Variants in PTCRA observed in about 807,000 individuals in gnomAD.
PTCRA encodes the protein pre T cell antigen receptor alpha.
Under a neutral mutation model 13.4 loss-of-function variants are expected in PTCRA, and 9 were observed. That is an observed-to-expected ratio of 0.67 (90% confidence interval 0.41 to 1.18). PTCRA has a LOEUF of 1.18. PTCRA is among the 50% of genes most tolerant of loss of function. The pLI, the probability that PTCRA is intolerant of heterozygous loss-of-function variation, is 0.01. For synonymous variants in PTCRA, 153 were observed against 161.9 expected, an observed-to-expected ratio of 0.94 and a Z score of 0.42; for missense variants, 353 against 359.8, an observed-to-expected ratio of 0.98 and a Z score of 0.15.
Position 42,925,566 on chromosome 6 carries a change from C to A in PTCRA, c.730C>A (p.Pro244Thr). The A allele has an allele frequency of 6.2e-7, 1 of 1,600,070 alleles. No individual in the cohort carries two copies. The highest frequency in any genetic ancestry group is 1.3e-5 in the African/African-American group (1 of 74,896). ...WGEGSYLSSYPTCPAQAWCSR... is the reference protein window; with the variant it reads ...WGEGSYLSSYTTCPAQAWCSR... The stretch of plus-strand genomic sequence containing the variant: ...GGAAGGGTCTTACCTCAGCAGTTAC[C>A]CCACTTGCCCAGCACAGGCCTGGTG... The change falls in exon 4 of 4, where the codon CCC becomes ACC. Residue 244 changes from proline (P) to threonine (T), a missense_variant. Transcript: ENST00000304672. This position sits in a 1 kb window ranked among gnomAD's most constrained non-coding sequence, Gnocchi z 4.4.
intron 1 of PTCRA, among the ~76,000 whole-genome samples, chr6:42,921,381 C>T (rs940093918): frequency 1.0e-4 from 15 of 144,678 alleles, no homozygotes; most frequent in Admixed American, 3.5e-4. Context: ...GGATTACATG[C>T]GTGAGCCACC....
chr6:42,924,043 G>A (rs760566467), intron 2 of PTCRA, among the ~76,000 whole-genome samples, 186 bp from the exon 3 acceptor site: 4 of 152,188 alleles, frequency 2.6e-5, no homozygotes, highest in Non-Finnish European at 5.9e-5. Flanking sequence ...GCAAAGTGAG[G>A]GATGTTTGGG....
chr6:42,919,964 G>C (rs967976652), intron 1 of PTCRA, among the ~76,000 whole-genome samples: 2 of 150,852 alleles, frequency 1.3e-5, no homozygotes, highest in Non-Finnish European at 2.9e-5. Context: ...CAAGGCTCCA[G>C]TGAACTGTGA....
rs1292087976 is a variant in PTCRA, at chr6:42,925,128, C to T, written c.425-133C>T. On this transcript the variant is annotated intron_variant, in intron 3 of 3. Transcript: ENST00000304672. The surrounding 1 kb of genome is among the most constrained non-coding windows in gnomAD (Gnocchi z 4.4). ...TACCAGTAAGAACGGAGGCTAGACACCGGGAAGGACTTTCCCTGGAGGAGG... is the reference window on the plus strand; with the variant it reads ...TACCAGTAAGAACGGAGGCTAGACATCGGGAAGGACTTTCCCTGGAGGAGG... 2.5e-6 allele frequency: 3 copies of T among 1,220,268 alleles called. No individual in the cohort carries two copies. Among genetic ancestry groups the T allele is most frequent in the Non-Finnish European group, 3.3e-6 (3 of 898,144 alleles). The allele number at this position is 1,220,268 out of a possible 1,614,324, so 75.6% of individuals were successfully genotyped here.
chr6:42,921,918 G>C (rs1767188169), intron 1 of PTCRA, among the ~76,000 whole-genome samples: 1 of 151,534 alleles, frequency 6.6e-6, no homozygotes, highest in Non-Finnish European at 1.5e-5. Context: ...GTGGGAACTT[G>C]GGAGGCTGAG....
At chr6:42,924,203 C>T in intron 2 of PTCRA, 26 bp from the exon 3 acceptor site, 1 of 1,596,970 alleles carries the variant, frequency 6.3e-7, no homozygotes, top group Non-Finnish European at 8.5e-7. Flanking sequence ...TCCCCAAAGA[C>T]TCATTCGCTT....
chr6:42,925,758 A>G lies in PTCRA; in HGVS notation c.*76A>G, dbSNP rs1312383679. 2.0e-6 allele frequency: 2 copies of G among 990,360 alleles called. No individual in the cohort carries two copies. Among genetic ancestry groups the G allele is most frequent in the Non-Finnish European group, 2.9e-6 (2 of 690,378 alleles). The allele number at this position is 990,360 out of a possible 1,614,324, so 61.3% of individuals were successfully genotyped here. A position where few individuals can be genotyped will look rare whatever the true frequency, so the allele number is the denominator to read the frequency against. On this transcript the variant is annotated 3_prime_UTR_variant, in exon 4 of 4. Coordinates refer to ENST00000304672, the MANE Select transcript of PTCRA (RefSeq NM_138296.3). The surrounding 1 kb of genome is among the most constrained non-coding windows in gnomAD (Gnocchi z 4.4). ...CCATCCAAAAGGGGGCCCCTTGAGAATGGTGATCCACCCAGTTACAGGGGC... is the reference window on the plus strand; with the variant it reads ...CCATCCAAAAGGGGGCCCCTTGAGAGTGGTGATCCACCCAGTTACAGGGGC...
intron 1 of PTCRA, among the ~76,000 whole-genome samples, chr6:42,919,769 TGCGGTG>T (rs1767056070): frequency 1.4e-5 from 1 of 72,908 alleles, no homozygotes; most frequent in Non-Finnish European, 2.7e-5. Context: ...CTGGGCCAGG[TGCGGTG>T]GCTCACGTCT....
intron 1 of PTCRA, among the ~76,000 whole-genome samples, chr6:42,919,464 A>C (rs1767037597): frequency 6.6e-6 from 1 of 152,082 alleles, no homozygotes; most frequent in Non-Finnish European, 1.5e-5. Flanking sequence ...CTATAATCCC[A>C]GCACTTTGGG....
At chr6:42,919,211 G>A (rs1767025915) in intron 1 of PTCRA, among the ~76,000 whole-genome samples, 1 of 151,908 alleles carries the variant, frequency 6.6e-6, no homozygotes, top group Non-Finnish European at 1.5e-5. Context: ...AGCCAGGATG[G>A]TCTCGATCTC....
At chr6:42,919,345 T>C (rs551165270) in intron 1 of PTCRA, among the ~76,000 whole-genome samples, 2 of 152,210 alleles carry the variant, frequency 1.3e-5, no homozygotes, top group South Asian at 4.1e-4. Flanking sequence ...CCTTTACCCC[T>C]ACATCCTCAC....
chr6:42,921,458 G>A (rs549891746), intron 1 of PTCRA, among the ~76,000 whole-genome samples: 16 of 114,886 alleles, frequency 1.4e-4, no homozygotes, highest in Middle Eastern at 7.1e-3. Context: ...TTGCTCTGTC[G>A]CCAGGCTGGA....
chr6:42,916,439 C>T (rs1766881705), intron 1 of PTCRA, among the ~76,000 whole-genome samples: 1 of 152,158 alleles, frequency 6.6e-6, no homozygotes. Context: ...GAAATGAGAA[C>T]AAACTGGATG....
chr6:42,916,339 C>T (rs956920837), intron 1 of PTCRA, among the ~76,000 whole-genome samples: 3 of 152,146 alleles, frequency 2.0e-5, no homozygotes, highest in Non-Finnish European at 4.4e-5. Context: ...TGTACTCTTC[C>T]TCCCAGCCAC....
chr6:42,917,222 ATTATTAT>A (rs1235666151), intron 1 of PTCRA, among the ~76,000 whole-genome samples: 10 of 132,164 alleles, frequency 7.6e-5, no homozygotes, highest in African/African-American at 3.3e-4. Context: ...TATTATTATT[ATTATTAT>A]TATTTATTTT....
chr6:42,925,460 C>G lies in PTCRA; in HGVS notation c.624C>G (p.Thr208=). ...CGGAGACTGGGGGACGAGAGGCCAC[C>G]AGCTCACCCAGACCCCAGCCTCGGG... ...PATETGGREA[T]SSPRPQPRDR... is the part of the protein sequence containing the mutation. Residue 208 remains threonine (T), a synonymous_variant, in exon 4 of 4, where the codon ACC becomes ACG. Transcript: ENST00000304672. This position sits in a 1 kb window ranked among gnomAD's most constrained non-coding sequence, Gnocchi z 4.4. The G allele has an allele frequency of 1.9e-6, 3 of 1,556,182 alleles. No homozygotes were observed. Among genetic ancestry groups the G allele is most frequent in the East Asian group, 2.4e-5 (1 of 41,342 alleles).
chr6:42,925,130 G>A lies in PTCRA; in HGVS notation c.425-131G>A, dbSNP rs914996383. 26 of 1,241,502 alleles carry A rather than the reference G, an allele frequency of 2.1e-5. No individual in the cohort carries two copies. Among genetic ancestry groups the A allele is most frequent in the East Asian group, 1.5e-4 (6 of 39,216 alleles). The allele number at this position is 1,241,502 out of a possible 1,614,324, so 76.9% of individuals were successfully genotyped here. Reference sequence around the variant, plus strand: ...CCAGTAAGAACGGAGGCTAGACACCGGGAAGGACTTTCCCTGGAGGAGGGG... The same window carrying A: ...CCAGTAAGAACGGAGGCTAGACACCAGGAAGGACTTTCCCTGGAGGAGGGG... On this transcript the variant is annotated intron_variant, in intron 3 of 3. Transcript: ENST00000304672. This position sits in a 1 kb window ranked among gnomAD's most constrained non-coding sequence, Gnocchi z 4.4.
Position 42,925,590 on chromosome 6 carries a change from T to C in PTCRA, c.754T>C (p.Cys252Arg), listed in dbSNP as rs115331994. 1,879 of 1,600,752 alleles carry C rather than the reference T, an allele frequency of 1.2e-3. 16 individuals are homozygous for C. The African/African-American group carries it at 0.015, about 13-fold the overall frequency. ...CCCCACTTGCCCAGCACAGGCCTGG[T>C]GCTCAAGATCTGCCCTCAGGGCTCC... ...SYPTCPAQAW[C>R]SRSALRAPSS... Residue 252 changes from cysteine to arginine, a missense_variant, in exon 4 of 4, where the codon TGC (cysteine) becomes CGC (arginine). By Grantham distance (180) the Cys-to-Arg change is radical. Coordinates refer to ENST00000304672, the MANE Select transcript of PTCRA (RefSeq NM_138296.3). The surrounding 1 kb of genome is among the most constrained non-coding windows in gnomAD (Gnocchi z 4.4).
intron 2 of PTCRA, among the ~76,000 whole-genome samples, chr6:42,923,838 AAC>A (rs888974597): frequency 6.6e-6 from 1 of 152,242 alleles, no homozygotes; most frequent in Non-Finnish European, 1.5e-5. Context: ...TGTATTTTGA[AAC>A]AGTCAGCTAT....
Sources: gnomAD v4.1 joint callset for allele counts (sites outside exome capture counted in the v4.1 genomes callset) on GRCh38, gnomAD v4.1.1 for gene constraint, Gnocchi (gnomAD v3.1) non-coding constraint, MANE v1.5 for transcripts, NCBI Gene and HGNC (gene_info 2026-07-23, HGNC 2026-07-21) for gene names.